The following PMEPA1 variants were observed in gnomAD, a reference collection of about 807,000 sequenced individuals.
The protein encoded by PMEPA1 is prostate transmembrane protein, androgen induced 1, also known as protein TMEPAI.
PMEPA1 carries 11 observed loss-of-function variants against 23.0 expected under a neutral mutation model. The observed-to-expected ratio is 0.48, with a 90% CI of 0.30 to 0.79. PMEPA1 has a LOEUF of 0.79. Ranked by LOEUF, PMEPA1 falls within the 30% of genes least tolerant of loss-of-function variation. The probability of loss-of-function intolerance (pLI) is 0.06; values close to 1 mark genes in which losing one functional copy is unlikely to be tolerated. For missense variants in PMEPA1, 377 were observed against 390.9 expected (o/e 0.96, Z 0.30); for synonymous variants, 204 against 166.4 (o/e 1.23, Z -1.74).
chr20:57,661,453 C>T (rs2071417708), intron 1 of PMEPA1, among the ~76,000 whole-genome samples: 1 of 152,204 alleles, frequency 6.6e-6, no homozygotes, highest in South Asian at 2.1e-4. Flanking sequence ...ATGTGACTCC[C>T]CAGACCCCGG....
intron 1 of PMEPA1, among the ~76,000 whole-genome samples, chr20:57,703,932 C>T (rs986042109): frequency 6.6e-6 from 1 of 152,160 alleles, no homozygotes; most frequent in Admixed American, 6.5e-5. Context: ...CCCCACTTTA[C>T]AGACCCATCA....
chr20:57,676,619 G>A lies in PMEPA1; in HGVS notation c.110-16922C>T, dbSNP rs987703478. On this transcript the variant is annotated intron_variant, in intron 1 of 3. Transcript: ENST00000341744. ...ATCCATCAGAAGACAGACCTAGATG[G>A]GAGCTCACGGTCCAGCTGCAGAGGC... is the stretch of plus-strand genomic sequence containing the variant. 5.3e-5 allele frequency among the ~76,000 whole-genome samples: 8 copies of A among 152,346 alleles called. No homozygotes were observed. The East Asian group carries it at 1.5e-3, about 29-fold the overall frequency.
intron 1 of PMEPA1, among the ~76,000 whole-genome samples, chr20:57,681,060 C>T (rs116686521): frequency 0.025 from 3,840 of 152,290 alleles, 148 homozygotes; most frequent in African/African-American, 0.084. Flanking sequence ...CCACCTTTTG[C>T]ATGAGGGATT....
intron 1 of PMEPA1, among the ~76,000 whole-genome samples, chr20:57,665,212 A>T (rs1374792805): frequency 6.6e-6 from 1 of 152,118 alleles, no homozygotes; most frequent in Non-Finnish European, 1.5e-5. Flanking sequence ...AGGTAACATC[A>T]CCATGCCCAT....
intron 1 of PMEPA1, among the ~76,000 whole-genome samples, chr20:57,678,832 G>A (rs1239047449): frequency 6.6e-6 from 1 of 152,190 alleles, no homozygotes; most frequent in Non-Finnish European, 1.5e-5. Flanking sequence ...AGCAGCTTGG[G>A]ATTCCCCGAT....
In PMEPA1 at chr20:57,683,636, T is replaced by C. The variant is rs962586031; in HGVS notation, c.110-23939A>G. Among the ~76,000 whole-genome samples, 3 of 151,846 alleles carry C rather than the reference T, an allele frequency of 2.0e-5. No individual in the cohort carries two copies. The highest frequency in any genetic ancestry group is 7.3e-5 in the African/African-American group (3 of 41,278). ...AATACTTCATGTTGATATTTCTTCTTAAAGATGCTGTAATTATGAGAGAGC... is the reference window on the plus strand; with the variant it reads ...AATACTTCATGTTGATATTTCTTCTCAAAGATGCTGTAATTATGAGAGAGC... On this transcript the variant is annotated intron_variant, in intron 1 of 3. Coordinates refer to ENST00000341744, the MANE Select transcript of PMEPA1 (RefSeq NM_020182.5). The surrounding 1 kb of genome is among the most constrained non-coding windows in gnomAD (Gnocchi z 4.3).
chr20:57,678,659 C>G (rs897668485), intron 1 of PMEPA1, among the ~76,000 whole-genome samples: 16 of 152,170 alleles, frequency 1.1e-4, no homozygotes, highest in Non-Finnish European at 1.8e-4. Context: ...AGGTCTGGCT[C>G]CCAGGTTTGA....
At chr20:57,667,851 G>C (rs975894345) in intron 1 of PMEPA1, among the ~76,000 whole-genome samples, 1 of 151,444 alleles carries the variant, frequency 6.6e-6, no homozygotes, top group Non-Finnish European at 1.5e-5. Context: ...CCAGCTCCCT[G>C]CCACCCCACC....
intron 1 of PMEPA1, among the ~76,000 whole-genome samples, chr20:57,695,142 C>T (rs1386850998): frequency 2.0e-5 from 3 of 152,278 alleles, no homozygotes; most frequent in South Asian, 4.1e-4. Flanking sequence ...TGAGTAACCA[C>T]CTCCCCAAGA....
intron 1 of PMEPA1, among the ~76,000 whole-genome samples, chr20:57,679,595 A>G (rs1026368854): frequency 1.1e-4 from 17 of 152,204 alleles, no homozygotes; most frequent in African/African-American, 3.9e-4. Context: ...AGCGCCCGCT[A>G]TGGATGAACA....
At chr20:57,697,981 A>G (rs1055278479) in intron 1 of PMEPA1, among the ~76,000 whole-genome samples, 1 of 152,250 alleles carries the variant, frequency 6.6e-6, no homozygotes, top group Non-Finnish European at 1.5e-5. Context: ...GCTCCCTTAC[A>G]CGTGAGCCTA....
chr20:57,664,534 C>G (rs572649425), intron 1 of PMEPA1, among the ~76,000 whole-genome samples: 5 of 149,882 alleles, frequency 3.3e-5, no homozygotes, highest in Admixed American at 1.3e-4. Context: ...GCTCTCCACC[C>G]GCGGCAGCTC....
intron 2 of PMEPA1, among the ~76,000 whole-genome samples, chr20:57,657,607 C>G (rs780403196): frequency 6.6e-6 from 1 of 152,052 alleles, no homozygotes; most frequent in Admixed American, 6.5e-5. Flanking sequence ...CAGTGGGCCC[C>G]GGGTCTGTGG....
At chr20:57,673,603 T>C (rs2146670129) in intron 1 of PMEPA1, among the ~76,000 whole-genome samples, 1 of 152,278 alleles carries the variant, frequency 6.6e-6, no homozygotes, top group Non-Finnish European at 1.5e-5. Flanking sequence ...ACATCCTGCA[T>C]AGTAGTAGTA....
intron 1 of PMEPA1, chr20:57,690,548 G>A (rs1316398724): frequency 2.3e-6 from 3 of 1,285,568 alleles, no homozygotes; most frequent in Non-Finnish European, 3.1e-6. Flanking sequence ...TTAATTAACT[G>A]TAGCAGGAGG....
intron 1 of PMEPA1, among the ~76,000 whole-genome samples, chr20:57,660,234 T>C (rs548733338): frequency 5.3e-4 from 81 of 151,960 alleles, no homozygotes; most frequent in Non-Finnish European, 1.1e-3. Context: ...TGAAGCTTTG[T>C]GGAATTAAAC....
At chr20:57,669,567 G>A (rs112000166) in intron 1 of PMEPA1, among the ~76,000 whole-genome samples, 177 of 152,342 alleles carry the variant, frequency 1.2e-3, no homozygotes, top group African/African-American at 4.0e-3. Flanking sequence ...TCCCTGGCAG[G>A]GATGACACCA....
chr20:57,667,409 G>A (rs944364688), intron 1 of PMEPA1, among the ~76,000 whole-genome samples: 6 of 152,284 alleles, frequency 3.9e-5, no homozygotes, highest in South Asian at 4.1e-4. Flanking sequence ...GGGGAGGTGC[G>A]GCGGCGACTG....
At chr20:57,709,201 T>G (rs1021619574) in intron 1 of PMEPA1, among the ~76,000 whole-genome samples, 5 of 151,042 alleles carry the variant, frequency 3.3e-5, no homozygotes, top group Non-Finnish European at 5.9e-5. Context: ...TCCCGCGCCG[T>G]GCGCCGCCGC....
Sources: allele counts gnomAD v4.1 joint callset (sites outside exome capture counted in the v4.1 genomes callset), GRCh38; gene constraint gnomAD v4.1.1; non-coding constraint Gnocchi (gnomAD v3.1); transcripts MANE v1.5; gene names NCBI Gene and HGNC (gene_info 2026-07-23, HGNC 2026-07-21).